Variants in CEP250 observed in about 807,000 individuals in gnomAD.
The protein encoded by CEP250 is centrosomal protein 250, also known as centrosome-associated protein CEP250.
Under a neutral mutation model 315.7 loss-of-function variants are expected in CEP250, and 242 were observed. That is an observed-to-expected ratio of 0.77 (90% CI 0.69 to 0.85). The LOEUF (loss-of-function observed/expected upper bound fraction) is 0.85. Ranked by LOEUF, CEP250 falls within the 40% of genes least tolerant of loss-of-function variation. The pLI, the probability that CEP250 is intolerant of heterozygous loss-of-function variation, is 0.00. For synonymous variants in CEP250, 1,088 were observed against 1,175.0 expected (o/e 0.93, Z 1.51); for missense variants, 2,515 against 2,886.4 (o/e 0.87, Z 2.95).
chr20:35,467,163 G>T, intron 8 of CEP250, 91 bp downstream of exon 8: 1 of 1,145,182 alleles, frequency 8.7e-7, no homozygotes, highest in East Asian at 2.5e-5. Context: ...TCAGCTGTGG[G>T]GGTGGGGTGG....
intron 16 of CEP250, among the ~76,000 whole-genome samples, chr20:35,477,115 A>G (rs537291198): frequency 1.3e-5 from 2 of 152,228 alleles, no homozygotes; most frequent in African/African-American, 4.8e-5. Context: ...GGTTCAAGCA[A>G]TTCTCTTGCC....
chr20:35,483,026 T>A (rs114950456), intron 20 of CEP250, among the ~76,000 whole-genome samples: 3,428 of 152,226 alleles, frequency 0.023, 142 homozygotes, highest in African/African-American at 0.078. Flanking sequence ...CTCTTTAAAA[T>A]AAATTTTTTT....
chr20:35,471,421 A>T (rs1471653417), intron 10 of CEP250, among the ~76,000 whole-genome samples: 3 of 152,224 alleles, frequency 2.0e-5, no homozygotes, highest in African/African-American at 4.8e-5. Flanking sequence ...CCAGAAATTT[A>T]TATTTTTATG....
chr20:35,460,567 C>T (rs763801468), intron 3 of CEP250, among the ~76,000 whole-genome samples: 1 of 152,180 alleles, frequency 6.6e-6, no homozygotes, highest in Non-Finnish European at 1.5e-5. Context: ...CTGCACGGAG[C>T]GCGTGCCCTG....
At chr20:35,501,719 T>C in intron 28 of CEP250, 126 bp from the exon 29 acceptor site, 1 of 1,059,290 alleles carries the variant, frequency 9.4e-7, no homozygotes, top group Non-Finnish European at 1.3e-6. Flanking sequence ...GGATATAATT[T>C]TCTCCTTCTT....
chr20:35,462,357 C>A lies in CEP250; in HGVS notation c.-11C>A, dbSNP rs1419495243. The A allele has an allele frequency of 5.7e-6, 9 of 1,568,198 alleles. No homozygotes were observed. The highest frequency in any genetic ancestry group is 1.4e-5 in the African/African-American group (1 of 73,904). On this transcript the variant is annotated 5_prime_UTR_variant, in exon 4 of 35. The change creates a new upstream start codon in the 5' untranslated region. Transcript: ENST00000397527. ...ACCTAGGGACCTGTGGGCCTACCAC[C>A]TGGTGCCCTCATGGAGACAAGAAGC... is the stretch of plus-strand genomic sequence containing the variant.
chr20:35,508,145 C>G lies in CEP250; in HGVS notation c.6861C>G (p.Ser2287Arg). ...TGGCCCGGCTGGAGATTGACAGGAG[C>G]AGGCTGCAGCGCCACAATGTCCAGC... ...QAVARLEIDRSRLQRHNVQLR... is the reference protein window; with the variant it reads ...QAVARLEIDRRRLQRHNVQLR... The change falls in exon 32 of 35, where the codon AGC becomes AGG. Residue 2287 changes from serine (S) to arginine (R), a missense_variant. By Grantham distance (110) the Ser-to-Arg change is moderately radical. Transcript: ENST00000397527. 1.2e-6 allele frequency: 2 copies of G among 1,614,042 alleles called. No individual in the cohort carries two copies. The highest frequency in any genetic ancestry group is 2.2e-5 in the South Asian group (2 of 91,080).
At chr20:35,480,202 C>G in intron 20 of CEP250, 57 bp downstream of exon 20, 15 of 1,504,156 alleles carry the variant, frequency 1.0e-5, no homozygotes, top group South Asian at 6.4e-5. Context: ...CTACCTGCTG[C>G]CTCTTGGTCC....
rs1051508667 is a variant in CEP250 at position 35,513,254 on chromosome 20, T to A, written c.*1628T>A. ...CTGGCTTTTAGGCCATTTATTTCTT[T>A]TTCCTTTTTTTTTTTTTGAGACAGA... On this transcript the variant is annotated 3_prime_UTR_variant, in exon 35 of 35. Transcript: ENST00000397527. The A allele has an allele frequency of 6.6e-6, 1 of 151,570 alleles. No individual in the cohort carries two copies. The highest frequency in any genetic ancestry group is 2.1e-4 in the South Asian group (1 of 4,798). The allele number at this position is 151,570 out of a possible 1,614,324, so 9.4% of individuals were successfully genotyped here.
At chr20:35,489,943 C>A (rs1233659737) in intron 20 of CEP250, among the ~76,000 whole-genome samples, 1 of 152,204 alleles carries the variant, frequency 6.6e-6, no homozygotes, top group African/African-American at 2.4e-5. Context: ...ACTCAGGAGG[C>A]TGAGGCAGGA....
intron 30 of CEP250, among the ~76,000 whole-genome samples, chr20:35,507,053 A>G (rs2064205534): frequency 6.6e-6 from 1 of 152,148 alleles, no homozygotes; most frequent in Non-Finnish European, 1.5e-5. Flanking sequence ...ACAAACTCAT[A>G]AATGGCAGGA....
intron 22 of CEP250, 24 bp downstream of exon 22, chr20:35,491,370 A>C: frequency 6.4e-7 from 1 of 1,568,786 alleles, no homozygotes; most frequent in Non-Finnish European, 8.6e-7. Flanking sequence ...TCTCGGGAGT[A>C]GGGGAGAAAG....
chr20:35,490,703 A>G lies in CEP250; in HGVS notation c.2653A>G (p.Met885Val), dbSNP rs1417215859. 3.7e-6 allele frequency: 6 copies of G among 1,613,864 alleles called. No homozygotes were observed. The South Asian group carries it at 5.5e-5, about 15-fold the overall frequency. The stretch of plus-strand genomic sequence containing the variant: ...TCTGGAGAGCTTAGAAAGGGAAAAA[A>G]TGGAGCTGGAAATGAGGCTAAAGGA... ...KALESLEREK[M>V]ELEMRLKEQQ... is the part of the protein sequence containing the mutation. Residue 885 changes from methionine (M) to valine (V), a missense_variant, in exon 21 of 35, where the codon ATG (methionine) becomes GTG (valine). Coordinates refer to ENST00000397527, the MANE Select transcript of CEP250 (RefSeq NM_007186.6).
In CEP250 at chr20:35,516,180, G is replaced by A. The variant is rs993074607; in HGVS notation, c.*4554G>A. On this transcript the variant is annotated 3_prime_UTR_variant, in exon 35 of 35. Coordinates refer to ENST00000397527, the MANE Select transcript of CEP250 (RefSeq NM_007186.6). ...AGGCTGTGTGATGTGTCATCTGAGA[G>A]AGTGGGTAACCCCTATTCCCAGCAC... 1.3e-5 allele frequency: 2 copies of A among 152,276 alleles called. No homozygotes were observed. The highest frequency in any genetic ancestry group is 2.9e-5 in the Non-Finnish European group (2 of 68,068). 9.4% of individuals were successfully genotyped at this position (152,276 alleles called of 1,614,324 possible).
At chr20:35,460,584 C>A (rs1013620967) in intron 3 of CEP250, among the ~76,000 whole-genome samples, 1 of 152,142 alleles carries the variant, frequency 6.6e-6, no homozygotes, top group African/African-American at 2.4e-5. Context: ...CCTGTCTAAA[C>A]GGGCAGGCAC....
In CEP250 at chr20:35,469,996, C is replaced by T. The variant is rs769949861; in HGVS notation, c.948+10C>T. On this transcript the variant is annotated intron_variant, in intron 10 of 34. Transcript: ENST00000397527. ...GACAGTGGAGATCCTGGTACATGAT[C>T]CTTTGCTCTGGAAAGGAGTTGGGCG... The T allele has an allele frequency of 1.3e-6, 2 of 1,596,872 alleles. No homozygotes were observed. Among genetic ancestry groups the T allele is most frequent in the Admixed American group, 3.3e-5 (2 of 59,958 alleles).
rs568360865 is a variant in CEP250, at chr20:35,502,376, ATCTTG to A, written c.4021-9_4021-5del. 3.5e-5 allele frequency: 56 copies of A among 1,596,380 alleles called. No homozygotes were observed. In the African/African-American group the frequency reaches 5.9e-4, roughly 17 times the overall value. On this transcript the variant is annotated splice_polypyrimidine_tract_variant and intron_variant, in intron 29 of 34. Transcript: ENST00000397527. ...GAAGTGTAGTCTAAAGTGGCTTTTCATCTTGTCTTCTAGGGTGAGCGAGAGTTACT... is the reference window on the plus strand; with the variant it reads ...GAAGTGTAGTCTAAAGTGGCTTTTCATCTTCTAGGGTGAGCGAGAGTTACT...
intron 27 of CEP250, 95 bp from the exon 28 acceptor site, chr20:35,499,954 C>T: frequency 6.6e-7 from 1 of 1,517,716 alleles, no homozygotes; most frequent in South Asian, 1.2e-5. Context: ...AATGGCGGCC[C>T]ACCACAGAAG....
Position 35,466,133 on chromosome 20 carries a change from C to G in CEP250, c.421C>G (p.Leu141Val). 1 of 1,613,986 alleles carries G rather than the reference C, an allele frequency of 6.2e-7. No homozygotes were observed. The highest frequency in any genetic ancestry group is 2.2e-5 in the East Asian group (1 of 44,882). ...AGCCCTTAGGGAAGATGTGGAAAAA[C>G]TGACAGTGGACTGGAGCCGGGCCCG... ...NKALREDVEK[L>V]TVDWSRARDE... Residue 141 changes from leucine (L) to valine (V), a missense_variant, in exon 7 of 35, where the codon CTG (leucine) becomes GTG (valine). Leu to Val is a conservative substitution (Grantham distance 32). Transcript: ENST00000397527.
Sources: gnomAD v4.1 joint callset for allele counts (sites outside exome capture counted in the v4.1 genomes callset) on GRCh38, gnomAD v4.1.1 for gene constraint, MANE v1.5 for transcripts, NCBI Gene and HGNC (gene_info 2026-07-23, HGNC 2026-07-21) for gene names.